The following CAP2 variants were observed in gnomAD, a reference collection of about 807,000 sequenced individuals.
CAP2 encodes adenylyl cyclase-associated protein 2.
In CAP2, 24 loss-of-function variants were observed where a neutral mutation model predicts 57.7. The ratio of observed to expected loss-of-function variants is 0.42; its 90% CI spans 0.30 to 0.58. CAP2 has a LOEUF of 0.58. CAP2 is among the 20% of genes least tolerant of loss of function. CAP2 has a pLI of 0.22. For missense variants in CAP2, 501 were observed against 590.3 expected (o/e 0.85, Z 1.57); for synonymous variants, 194 against 207.2 (o/e 0.94, Z 0.55).
intron 2 of CAP2, among the ~76,000 whole-genome samples, chr6:17,424,477 A>G (rs145439862): frequency 3.8e-4 from 58 of 152,328 alleles, no homozygotes; most frequent in African/African-American, 1.3e-3. Flanking sequence ...GGACCACTCT[A>G]TTATGATACT....
chr6:17,436,105 C>CCTTA (rs1759880680), intron 3 of CAP2, among the ~76,000 whole-genome samples: 1 of 150,676 alleles, frequency 6.6e-6, no homozygotes, highest in African/African-American at 2.5e-5. Flanking sequence ...TTCCTTCCTT[C>CCTTA]CTTCCTTCCT....
At chr6:17,464,840 T>C (rs1760821061) in intron 4 of CAP2, among the ~76,000 whole-genome samples, 1 of 152,194 alleles carries the variant, frequency 6.6e-6, no homozygotes, top group African/African-American at 2.4e-5. Context: ...CGATGTGTTG[T>C]AGATTCAGCC....
At chr6:17,398,117 A>G (rs1240440632) in intron 1 of CAP2, among the ~76,000 whole-genome samples, 2 of 152,202 alleles carry the variant, frequency 1.3e-5, no homozygotes, top group Non-Finnish European at 2.9e-5. Flanking sequence ...TCACAACTCA[A>G]TTTCACAGCA....
intron 3 of CAP2, among the ~76,000 whole-genome samples, chr6:17,462,555 C>T (rs1446957500): frequency 6.6e-6 from 1 of 151,202 alleles, no homozygotes; most frequent in Non-Finnish European, 1.5e-5. Flanking sequence ...CTCCCCATTC[C>T]TCCCTCCCAG....
At chr6:17,520,879 C>T (rs909496059) in intron 7 of CAP2, among the ~76,000 whole-genome samples, 3 of 152,210 alleles carry the variant, frequency 2.0e-5, no homozygotes, top group East Asian at 1.9e-4. Flanking sequence ...CAAACCCACA[C>T]CTTAGGGGTA....
intron 1 of CAP2, among the ~76,000 whole-genome samples, chr6:17,397,676 CA>C (rs1758704079): frequency 8.5e-6 from 1 of 117,438 alleles, no homozygotes; most frequent in Non-Finnish European, 1.6e-5. Context: ...GCCTGGGCGA[CA>C]GAGCGAGACT....
At chr6:17,548,138 C>T (rs868604126) in intron 11 of CAP2, among the ~76,000 whole-genome samples, 3 of 151,854 alleles carry the variant, frequency 2.0e-5, no homozygotes, top group Admixed American at 6.6e-5. Context: ...GAGGCTGAGG[C>T]GGGCAGATCA....
At position 17,542,873 on chromosome 6, in the gene CAP2, G is replaced by A. The variant is rs771189477; in HGVS notation, c.1039G>A (p.Glu347Lys). The change falls in exon 10 of 13, where the codon GAG becomes AAG. Residue 347 changes from glutamate (E) to lysine (K), a missense_variant. Transcript: ENST00000229922. ...QEDRNDLVIS[E>K]TELKQVAYIF... Reference sequence around the variant, plus strand: ...GGACAGGAATGACCTTGTGATTTCAGAGACTGAGCTGAAACAAGTGGCTTA... The same window carrying A: ...GGACAGGAATGACCTTGTGATTTCAAAGACTGAGCTGAAACAAGTGGCTTA... 6.2e-7 allele frequency: 1 copy of A among 1,613,022 alleles called. No individual in the cohort carries two copies. The highest frequency in any genetic ancestry group is 1.7e-5 in the Admixed American group (1 of 60,020).
chr6:17,503,727 A>G (rs1761897620), intron 4 of CAP2, among the ~76,000 whole-genome samples: 1 of 152,002 alleles, frequency 6.6e-6, no homozygotes, highest in African/African-American at 2.4e-5. Context: ...TTCCCACCAT[A>G]TTTAAGATCC....
intron 7 of CAP2, among the ~76,000 whole-genome samples, chr6:17,526,897 C>T (rs979082014): frequency 7.3e-5 from 10 of 136,670 alleles, no homozygotes; most frequent in African/African-American, 2.7e-4. Flanking sequence ...GCGGAGATTG[C>T]AGTGAGCTGA....
intron 9 of CAP2, among the ~76,000 whole-genome samples, chr6:17,542,495 C>T (rs1762929244): frequency 1.3e-5 from 2 of 152,162 alleles, no homozygotes; most frequent in African/African-American, 4.8e-5. Flanking sequence ...CCTGTTTGCC[C>T]AACTCCTGTT....
intron 11 of CAP2, among the ~76,000 whole-genome samples, chr6:17,547,457 C>T (rs958248592): frequency 2.0e-5 from 3 of 151,536 alleles, no homozygotes; most frequent in East Asian, 1.9e-4. Flanking sequence ...GCAATGAAGA[C>T]GCATAGAAAA....
intron 11 of CAP2, among the ~76,000 whole-genome samples, chr6:17,551,162 GT>G (rs1287754270): frequency 6.6e-6 from 1 of 152,186 alleles, no homozygotes; most frequent in African/African-American, 2.4e-5. Flanking sequence ...TAACAGGGTT[GT>G]GAGGCTTTTT....
intron 3 of CAP2, among the ~76,000 whole-genome samples, chr6:17,454,360 C>T (rs1271112900): frequency 1.3e-5 from 2 of 152,110 alleles, no homozygotes; most frequent in East Asian, 3.9e-4. Context: ...TAGACTCATC[C>T]AAGCCTTTTA....
intron 7 of CAP2, 45 bp from the exon 8 acceptor site, chr6:17,539,224 G>A (rs1255635397): frequency 1.3e-6 from 2 of 1,548,170 alleles, no homozygotes; most frequent in East Asian, 2.3e-5. Context: ...CCCAGCAAGG[G>A]CGCAGTCTCA....
At chr6:17,462,397 G>A (rs1183683898) in intron 3 of CAP2, among the ~76,000 whole-genome samples, 1 of 152,102 alleles carries the variant, frequency 6.6e-6, no homozygotes, top group Admixed American at 6.5e-5. Flanking sequence ...TTTTTTAACA[G>A]CTTTATTGAA....
chr6:17,512,823 G>A (rs1762189815), intron 6 of CAP2, among the ~76,000 whole-genome samples: 1 of 152,154 alleles, frequency 6.6e-6, no homozygotes, highest in African/African-American at 2.4e-5. Flanking sequence ...CTTCTAAATG[G>A]CATGCCTTAA....
At chr6:17,442,327 T>C (rs1760107477) in intron 3 of CAP2, among the ~76,000 whole-genome samples, 1 of 152,220 alleles carries the variant, frequency 6.6e-6, no homozygotes, top group Admixed American at 6.5e-5. Flanking sequence ...CTGCACATGA[T>C]GATGTTCGCC....
intron 3 of CAP2, among the ~76,000 whole-genome samples, chr6:17,461,550 T>TA (rs1295850504): frequency 1.3e-3 from 201 of 151,052 alleles, no homozygotes; most frequent in African/African-American, 3.8e-3. Flanking sequence ...TTTCTGCATT[T>TA]AAAAAAAAAC....
Sources: allele counts gnomAD v4.1 joint callset (sites outside exome capture counted in the v4.1 genomes callset), GRCh38; gene constraint gnomAD v4.1.1; transcripts MANE v1.5; gene names NCBI Gene and HGNC (gene_info 2026-07-23, HGNC 2026-07-21).